Variants in MAML3 observed in about 807,000 individuals in gnomAD.
MAML3 encodes mastermind like transcriptional coactivator 3.
In MAML3, 27 loss-of-function variants were observed where a neutral mutation model predicts 101.9. The observed-to-expected ratio is 0.27, with a 90% CI of 0.20 to 0.37. The LOEUF (loss-of-function observed/expected upper bound fraction) is 0.37. MAML3 is among the 10% of genes least tolerant of loss of function. MAML3 has a pLI of 1.00. For synonymous variants in MAML3, 501 were observed against 555.9 expected, an observed-to-expected ratio of 0.90 and a Z score of 1.39; for missense variants, 1,316 against 1,444.9, an observed-to-expected ratio of 0.91 and a Z score of 1.45.
chr4:139,732,136 T>A (rs971503225), intron 2 of MAML3, among the ~76,000 whole-genome samples: 141 of 152,390 alleles, frequency 9.3e-4, no homozygotes, highest in Non-Finnish European at 2.5e-4. Context: ...CTCTGTCATT[T>A]AAAAATTTTT....
chr4:139,964,176 A>C (rs1468109231), intron 1 of MAML3, among the ~76,000 whole-genome samples: 1 of 152,242 alleles, frequency 6.6e-6, no homozygotes, highest in East Asian at 1.9e-4. Context: ...CAGCAAAGAC[A>C]TGGAACCAAC....
chr4:139,774,487 T>C (rs1730056644), intron 2 of MAML3, among the ~76,000 whole-genome samples: 1 of 152,196 alleles, frequency 6.6e-6, no homozygotes, highest in Non-Finnish European at 1.5e-5. Context: ...CCAGAAGTAA[T>C]TACAGCTGAA....
chr4:139,747,958 G>T (rs1729379766), intron 2 of MAML3, among the ~76,000 whole-genome samples: 1 of 150,974 alleles, frequency 6.6e-6, no homozygotes, highest in Non-Finnish European at 1.5e-5. Context: ...GGAGGCTGAG[G>T]CAGGAGAATT....
chr4:140,113,330 G>A (rs192304031), intron 1 of MAML3, among the ~76,000 whole-genome samples: 48 of 152,046 alleles, frequency 3.2e-4, no homozygotes, highest in African/African-American at 9.9e-4. Flanking sequence ...AGTAAAGCAC[G>A]ACTATATGAA....
chr4:139,766,187 T>C (rs1374529813), intron 2 of MAML3, among the ~76,000 whole-genome samples: 1 of 24,678 alleles, frequency 4.1e-5, no homozygotes, highest in African/African-American at 1.7e-4. Context: ...GGGGTGGGGG[T>C]GGGGGATGGA....
At chr4:139,780,885 G>A (rs1227364188) in intron 2 of MAML3, among the ~76,000 whole-genome samples, 1 of 152,080 alleles carries the variant, frequency 6.6e-6, no homozygotes, top group Non-Finnish European at 1.5e-5. Flanking sequence ...CGCCTTGGCT[G>A]CCCAAAGTGC....
At chr4:139,871,435 C>T (rs529317782) in intron 2 of MAML3, among the ~76,000 whole-genome samples, 1 of 152,262 alleles carries the variant, frequency 6.6e-6, no homozygotes, top group East Asian at 1.9e-4. Context: ...CCTGTCCCCA[C>T]CCCTGCCCAC....
At chr4:139,975,137 A>G (rs1377461313) in intron 1 of MAML3, among the ~76,000 whole-genome samples, 1 of 152,074 alleles carries the variant, frequency 6.6e-6, no homozygotes, top group African/African-American at 2.4e-5. Flanking sequence ...ATAAAAGCCA[A>G]AGTCCTTGCA....
At chr4:140,135,600 C>T (rs2111046534) in intron 1 of MAML3, among the ~76,000 whole-genome samples, 1 of 152,356 alleles carries the variant, frequency 6.6e-6, no homozygotes, top group East Asian at 1.9e-4. Context: ...TACAGCAAGG[C>T]TGGCATGGGG....
intron 1 of MAML3, among the ~76,000 whole-genome samples, chr4:139,957,604 T>A (rs149913177): frequency 0.011 from 1,670 of 152,302 alleles, 37 homozygotes; most frequent in African/African-American, 0.038. Flanking sequence ...GTGAATCCAG[T>A]GTTTGGACCA....
chr4:139,903,433 T>G (rs1344545724), intron 1 of MAML3, among the ~76,000 whole-genome samples: 1 of 152,224 alleles, frequency 6.6e-6, no homozygotes, highest in Non-Finnish European at 1.5e-5. Context: ...TTACAGAATC[T>G]TTACGGCTAA....
intron 2 of MAML3, among the ~76,000 whole-genome samples, chr4:139,779,640 G>C (rs914342960): frequency 2.6e-5 from 4 of 152,204 alleles, no homozygotes; most frequent in Admixed American, 6.5e-5. Flanking sequence ...CAATACACAT[G>C]ACCATAGGAT....
Position 140,142,631 on chromosome 4 carries a change from T to G in MAML3, c.468+10229A>C, listed in dbSNP as rs145548668. Among the ~76,000 whole-genome samples, 233 of 152,286 alleles carry G rather than the reference T, an allele frequency of 1.5e-3. 1 individual carries two copies. The highest frequency in any genetic ancestry group is 4.9e-3 in the African/African-American group (205 of 41,560). ...GATCCTAATAACTGTCAACCAGAGA[T>G]CCTAAATTTATCCCCTTGAGGCCAT... On this transcript the variant is annotated intron_variant, in intron 1 of 4. Transcript: ENST00000509479.
At chr4:139,721,506 GAA>G (rs1216776192) in intron 4 of MAML3, among the ~76,000 whole-genome samples, 5 of 152,200 alleles carry the variant, frequency 3.3e-5, no homozygotes, top group Non-Finnish European at 7.3e-5. Flanking sequence ...AACCAGATGA[GAA>G]TAGTCTAACC....
chr4:140,035,611 A>G (rs1486174394), intron 1 of MAML3, among the ~76,000 whole-genome samples: 1 of 152,052 alleles, frequency 6.6e-6, no homozygotes, highest in Non-Finnish European at 1.5e-5. Context: ...CCTGGCTAAC[A>G]CAGTGAAAAC....
rs933538761 is a variant in MAML3, at chr4:139,964,700, CTTTA to C, written c.469-73737_469-73734del. Among the ~76,000 whole-genome samples the C allele has an allele frequency of 2.1e-3, 323 of 152,098 alleles. 3 individuals carry two copies. The highest frequency in any genetic ancestry group is 6.7e-3 in the African/African-American group (279 of 41,504). Reference sequence around the variant, plus strand: ...TGAATTCCAAACAATGGTCCTTTTACTTTATTTATTTATTTATTTTTAATTTTAT... The same window carrying C: ...TGAATTCCAAACAATGGTCCTTTTACTTTATTTATTTATTTTTAATTTTAT... On this transcript the variant is annotated intron_variant, in intron 1 of 4. Coordinates refer to ENST00000509479, the MANE Select transcript of MAML3 (RefSeq NM_018717.5).
Position 140,154,145 on chromosome 4 carries a change from C to T in MAML3, c.-818G>A. On this transcript the variant is annotated 5_prime_UTR_variant, in exon 1 of 5. Coordinates refer to ENST00000509479, the MANE Select transcript of MAML3 (RefSeq NM_018717.5). ...CGCCGCCGCCTCCTCCTCCTCCTCTCGCTCCTCCACCTCCTCCTCCTCCTC... is the reference window on the plus strand; with the variant it reads ...CGCCGCCGCCTCCTCCTCCTCCTCTTGCTCCTCCACCTCCTCCTCCTCCTC... The T allele has an allele frequency of 5.8e-6, 1 of 173,682 alleles. No individual in the cohort carries two copies. 10.8% of individuals were successfully genotyped at this position (173,682 alleles called of 1,614,324 possible).
intron 2 of MAML3, among the ~76,000 whole-genome samples, chr4:139,874,946 G>C: frequency 6.6e-6 from 1 of 151,850 alleles, no homozygotes. Context: ...TGGAATTACA[G>C]GCGTCTGCCA....
At chr4:139,739,388 A>G (rs1729074719) in intron 2 of MAML3, among the ~76,000 whole-genome samples, 1 of 152,350 alleles carries the variant, frequency 6.6e-6, no homozygotes, top group Non-Finnish European at 1.5e-5. Flanking sequence ...CATAGTTACC[A>G]TAAGTCCCTC....
Sources: gnomAD v4.1 joint callset for allele counts (sites outside exome capture counted in the v4.1 genomes callset) on GRCh38, gnomAD v4.1.1 for gene constraint, MANE v1.5 for transcripts, NCBI Gene and HGNC (gene_info 2026-07-23, HGNC 2026-07-21) for gene names.